ANKRD28: variants seen among roughly 807,000 people sequenced by gnomAD.
ANKRD28 encodes ankyrin repeat domain 28.
Under a neutral mutation model 126.5 loss-of-function variants are expected in ANKRD28, and 44 were observed. The observed-to-expected ratio is 0.35, with a 90% CI of 0.27 to 0.45. The LOEUF is 0.45. ANKRD28 is among the 20% of genes least tolerant of loss of function. The probability of loss-of-function intolerance (pLI) is 1.00; values close to 1 mark genes in which losing one functional copy is unlikely to be tolerated. For synonymous variants in ANKRD28, 442 were observed against 468.5 expected (o/e 0.94, Z 0.73); for missense variants, 1,110 against 1,316.6 (o/e 0.84, Z 2.43).
upstream of ANKRD28, among the ~76,000 whole-genome samples, chr3:15,800,808 G>A (rs2060447675): frequency 6.6e-6 from 1 of 151,966 alleles, no homozygotes; most frequent in South Asian, 2.1e-4. Context: ...ACTAGCCCAT[G>A]GTATATTATA....
At chr3:15,674,091 G>A (rs2066656751) in intron 27 of ANKRD28, among the ~76,000 whole-genome samples, 1 of 137,462 alleles carries the variant, frequency 7.3e-6, no homozygotes, top group Admixed American at 8.3e-5. Context: ...AGGTTCTCTT[G>A]AGCCCAGGAG....
In ANKRD28 at chr3:15,677,517, T is replaced by A; in HGVS notation, c.2753A>T (p.Asn918Ile). 6.2e-7 allele frequency: 1 copy of A among 1,613,148 alleles called. No individual in the cohort carries two copies. The highest frequency in any genetic ancestry group is 2.2e-5 in the East Asian group (1 of 44,806). ...SASAELTLQD[N>I]SKNTALHLAC... ...CAAATGGAGGGCAGTATTTTTACTG[T>A]TATCTTGTAAAGTCAGTTCTGCACT... Residue 918 changes from asparagine (N) to isoleucine (I), a missense_variant, in exon 25 of 28, where the codon AAC becomes ATC. By Grantham distance (149) the Asn-to-Ile change is moderately radical (BLOSUM62 -3). Transcript: ENST00000683139.
intron 1 of ANKRD28, among the ~76,000 whole-genome samples, chr3:15,847,078 A>T (rs2061546939): frequency 6.6e-6 from 1 of 152,218 alleles, no homozygotes; most frequent in Non-Finnish European, 1.5e-5. Flanking sequence ...CCCCCAGAAG[A>T]TCATCATTCA....
At position 15,843,547 on chromosome 3, in the gene ANKRD28, T is replaced by C. The variant is rs111748451; in HGVS notation, c.27+15830A>G. Among the ~76,000 whole-genome samples the C allele has an allele frequency of 6.6e-6, 1 of 150,768 alleles. No homozygotes were observed. The highest frequency in any genetic ancestry group is 2.1e-4 in the South Asian group (1 of 4,762). On this transcript the variant is annotated intron_variant, in intron 1 of 27. Coordinates refer to the ANKRD28 transcript ENST00000399451. The surrounding 1 kb of genome is among the most constrained non-coding windows in gnomAD (Gnocchi z 5.2). ...AATACACCTCAATTTCAAATAAGGA[T>C]AGAATTAGGAGTACAGCAGAATAGT...
At chr3:15,733,573 A>G (rs1454660878) in intron 6 of ANKRD28, 1 of 152,198 alleles carries the variant, frequency 6.6e-6, no homozygotes, top group East Asian at 1.9e-4. Context: ...TTCGGTGATA[A>G]TATTTCATCT....
chr3:15,720,716 TA>T (rs1261551336), intron 8 of ANKRD28, among the ~76,000 whole-genome samples, 198 bp downstream of exon 8: 1 of 152,208 alleles, frequency 6.6e-6, no homozygotes, highest in Non-Finnish European at 1.5e-5. Flanking sequence ...AATGGAATTT[TA>T]TTGGTTCTAG....
At position 15,854,809 on chromosome 3, in the gene ANKRD28, G is replaced by C. The variant is rs374711304; in HGVS notation, c.27+4568C>G. Among the ~76,000 whole-genome samples the C allele has an allele frequency of 7.9e-5, 12 of 152,216 alleles. No homozygotes were observed. In the East Asian group the frequency reaches 1.9e-3, roughly 25 times the overall value. On this transcript the variant is annotated intron_variant, in intron 1 of 27. Coordinates refer to the ANKRD28 transcript ENST00000399451. The surrounding 1 kb of genome is among the most constrained non-coding windows in gnomAD (Gnocchi z 4.1). Reference sequence around the variant, plus strand: ...CTCACGCCTGTAATCCCAGCACTTTGGGAGGCCAAGGTGGGTGGATCACAA... The same window carrying C: ...CTCACGCCTGTAATCCCAGCACTTTCGGAGGCCAAGGTGGGTGGATCACAA...
At chr3:15,835,282 G>C (rs1019137251) in intron 1 of ANKRD28, among the ~76,000 whole-genome samples, 1 of 152,162 alleles carries the variant, frequency 6.6e-6, no homozygotes, top group South Asian at 2.1e-4. Flanking sequence ...TCCTATAATA[G>C]TGGCTTTGCA....
In ANKRD28 at chr3:15,730,138, A is replaced by G. The variant is rs1446737720; in HGVS notation, c.640+5272T>C. On this transcript the variant is annotated intron_variant, in intron 6 of 27. Coordinates refer to ENST00000683139, the MANE Select transcript of ANKRD28 (RefSeq NM_001349278.2). ...CCCAAGTTGTTGGGATTACAGGCAT[A>G]AGTGACCATGCCCAGCCCATGGTAA... Among the ~76,000 whole-genome samples, 4 of 152,156 alleles carry G rather than the reference A, an allele frequency of 2.6e-5. No individual in the cohort carries two copies. In the East Asian group the frequency reaches 7.7e-4, roughly 29 times the overall value.
At chr3:15,842,555 T>G (rs1052714976) in intron 1 of ANKRD28, among the ~76,000 whole-genome samples, 1 of 152,124 alleles carries the variant, frequency 6.6e-6, no homozygotes, top group African/African-American at 2.4e-5. Flanking sequence ...ATAATTTAAA[T>G]GAACATTTTA....
chr3:15,852,065 G>A (rs928522170), intron 1 of ANKRD28, among the ~76,000 whole-genome samples: 3 of 152,182 alleles, frequency 2.0e-5, no homozygotes, highest in South Asian at 2.1e-4. Flanking sequence ...ATGGAGGTTC[G>A]GGGGTTGATA....
At chr3:15,774,970 G>C (rs1575628866) in intron 2 of ANKRD28, among the ~76,000 whole-genome samples, 1 of 152,218 alleles carries the variant, frequency 6.6e-6, no homozygotes. Flanking sequence ...TCTGCCTCCA[G>C]GATTCAAGCG....
intron 2 of ANKRD28, among the ~76,000 whole-genome samples, chr3:15,790,021 A>T (rs2059955146): frequency 6.6e-6 from 1 of 152,108 alleles, no homozygotes. Context: ...AAGCAACTAT[A>T]TATGCTGATA....
intron 1 of ANKRD28, among the ~76,000 whole-genome samples, chr3:15,820,554 T>A (rs1461996864): frequency 6.6e-6 from 1 of 152,176 alleles, no homozygotes; most frequent in African/African-American, 2.4e-5. Flanking sequence ...ACTAATCATA[T>A]GCAATGTTTA....
intron 27 of ANKRD28, among the ~76,000 whole-genome samples, chr3:15,675,341 T>G (rs2066823278): frequency 6.6e-6 from 1 of 151,766 alleles, no homozygotes; most frequent in Non-Finnish European, 1.5e-5. Context: ...AGCAAGAGAG[T>G]AGTTTTGCTG....
chr3:15,691,781 T>A (rs2068834009), intron 17 of ANKRD28, among the ~76,000 whole-genome samples: 2 of 152,164 alleles, frequency 1.3e-5, no homozygotes, highest in African/African-American at 4.8e-5. Flanking sequence ...AAAATTATGC[T>A]ACTGAAAGAA....
intron 8 of ANKRD28, among the ~76,000 whole-genome samples, chr3:15,715,094 G>C (rs1295440490): frequency 7.9e-5 from 12 of 152,096 alleles, no homozygotes. Flanking sequence ...ATAGTTACGT[G>C]TACTAAATAT....
At chr3:15,752,551 A>T (rs1407010111) in intron 3 of ANKRD28, among the ~76,000 whole-genome samples, 2 of 152,206 alleles carry the variant, frequency 1.3e-5, no homozygotes, top group African/African-American at 4.8e-5. Context: ...CAAATCAAAT[A>T]AAAGCAGCAC....
intron 1 of ANKRD28, among the ~76,000 whole-genome samples, chr3:15,835,248 C>A (rs1205312000): frequency 6.6e-6 from 1 of 152,204 alleles, no homozygotes; most frequent in Non-Finnish European, 1.5e-5. Context: ...ATTCCATATA[C>A]ACAAACAGTA....
Sources: gnomAD v4.1 joint callset for allele counts (sites outside exome capture counted in the v4.1 genomes callset) on GRCh38, gnomAD v4.1.1 for gene constraint, Gnocchi (gnomAD v3.1) non-coding constraint, MANE v1.5 for transcripts, NCBI Gene and HGNC (gene_info 2026-07-23, HGNC 2026-07-21) for gene names.